Variants in RBPJ observed in about 807,000 individuals in gnomAD.
RBPJ encodes the protein recombination signal binding protein for immunoglobulin kappa J region.
A neutral mutation model predicts 67.8 loss-of-function variants in RBPJ; 9 were observed. The ratio of observed to expected loss-of-function variants is 0.13; its 90% CI spans 0.08 to 0.23. The LOEUF (loss-of-function observed/expected upper bound fraction) is 0.23, where lower values mean the gene tolerates loss of function less well. Among genes scored for constraint, RBPJ ranks in the 10% least tolerant of loss-of-function variants. RBPJ has a pLI of 1.00. For synonymous variants in RBPJ, 198 were observed against 203.3 expected (o/e 0.97, Z 0.22); for missense variants, 305 against 595.6 (o/e 0.51, Z 5.08).
At chr4:26,320,621 C>A, upstream of RBPJ, 1 of 1,041,624 alleles carries the variant, frequency 9.6e-7, no homozygotes, top group East Asian at 2.8e-5. Context: ...TCCCAGGACC[C>A]CTCCTCCCTT....
At chr4:26,320,623 TCCTCCCTTCTCCTCGGCCCCG>T, upstream of RBPJ, 1 of 1,064,254 alleles carries the variant, frequency 9.4e-7, no homozygotes, top group Non-Finnish European at 1.3e-6. Flanking sequence ...CCAGGACCCC[TCCTCCCTTCTCCTCGGCCCCG>T]CCTCCTGACC....
chr4:26,410,145 T>G, intron 3 of RBPJ: 1 of 408,366 alleles, frequency 2.4e-6, no homozygotes, highest in Non-Finnish European at 4.8e-6. Context: ...GGTGGTGGAG[T>G]GCACAGTGGG....
intron 1 of RBPJ, among the ~76,000 whole-genome samples, chr4:26,285,678 TAA>T (rs545484809): frequency 9.2e-4 from 89 of 96,262 alleles, no homozygotes; most frequent in African/African-American, 3.4e-3. Flanking sequence ...ACTGATACGT[TAA>T]AAAAAAAAAA....
At chr4:26,255,844 G>A (rs1051994578) in intron 1 of RBPJ, among the ~76,000 whole-genome samples, 2 of 151,244 alleles carry the variant, frequency 1.3e-5, no homozygotes, top group African/African-American at 2.4e-5. Context: ...AATCACCTAA[G>A]TTCTAGTCCT....
chr4:26,338,822 C>T (rs1332399526), intron 1 of RBPJ, among the ~76,000 whole-genome samples: 3 of 151,812 alleles, frequency 2.0e-5, no homozygotes, highest in Non-Finnish European at 2.9e-5. Flanking sequence ...ATCCACCTGC[C>T]TCGGCCTCCC....
At chr4:26,125,049 G>A in the RBPJ span, among the ~76,000 whole-genome samples, 1 of 152,168 alleles carries the variant, frequency 6.6e-6, no homozygotes, top group African/African-American at 2.4e-5. Context: ...AATCCAGCCA[G>A]TAGGAAGGGA....
chr4:26,215,347 G>A (rs1351615679), intron 1 of RBPJ, among the ~76,000 whole-genome samples: 1 of 83,136 alleles, frequency 1.2e-5, no homozygotes, highest in Non-Finnish European at 2.2e-5. Context: ...GAGAAAGAAA[G>A]AAAAAAAGAA....
chr4:26,393,420 G>T (rs919113744), intron 2 of RBPJ, among the ~76,000 whole-genome samples: 12 of 152,098 alleles, frequency 7.9e-5, no homozygotes, highest in African/African-American at 2.7e-4. Context: ...TATCACCCAG[G>T]CTATAGCGCA....
chr4:26,396,873 G>T (rs966451680), intron 2 of RBPJ, among the ~76,000 whole-genome samples: 2 of 152,160 alleles, frequency 1.3e-5, no homozygotes, highest in African/African-American at 4.8e-5. Flanking sequence ...GTTTAGCTTT[G>T]GTCACTGGTA....
At chr4:26,139,709 T>C in the RBPJ span, among the ~76,000 whole-genome samples, 1 of 151,848 alleles carries the variant, frequency 6.6e-6, no homozygotes, top group Non-Finnish European at 1.5e-5. Context: ...CTGTTTTCTG[T>C]TCCTCTCAGT....
At chr4:26,242,867 G>A (rs1448546380) in intron 1 of RBPJ, among the ~76,000 whole-genome samples, 2 of 152,150 alleles carry the variant, frequency 1.3e-5, no homozygotes, top group African/African-American at 2.4e-5. Flanking sequence ...CACGTGTGCT[G>A]CATGCTGAAA....
chr4:26,320,849 C>A (rs749706485), upstream of RBPJ: 4 of 1,568,722 alleles, frequency 2.5e-6, no homozygotes, highest in Non-Finnish European at 3.5e-6. Context: ...AGCAGGATCC[C>A]CTACTCTGCG....
intron 1 of RBPJ, among the ~76,000 whole-genome samples, chr4:26,299,570 T>C (rs573476016): frequency 1.3e-5 from 2 of 152,262 alleles, no homozygotes; most frequent in African/African-American, 4.8e-5. Flanking sequence ...GAAAAAGATT[T>C]TCGGCATATA....
Position 26,332,153 on chromosome 4 carries a change from TGA to T in RBPJ, c.20+11107_20+11108del, listed in dbSNP as rs751374436. Among the ~76,000 whole-genome samples, 6 of 152,288 alleles carry T rather than the reference TGA, an allele frequency of 3.9e-5. No homozygotes were observed. The East Asian group carries it at 7.7e-4, about 20-fold the overall frequency. ...GTAATTTACTTACAGCTTATAATAA[TGA>T]GTGTCATTATTTGATTAAATGGATA... On this transcript the variant is annotated intron_variant, in intron 1 of 10. Coordinates refer to ENST00000355476, the MANE Select transcript of RBPJ (RefSeq NM_015874.6).
In RBPJ at chr4:26,430,663, T is replaced by G. The variant is rs780927708; in HGVS notation, c.1149-29T>G. On this transcript the variant is annotated intron_variant, in intron 10 of 10. Transcript: ENST00000355476. This position sits in a 1 kb window ranked among gnomAD's most constrained non-coding sequence, Gnocchi z 4.1. Reference sequence around the variant, plus strand: ...AACATGTACTTTGCTTTTTAAAGTGTTTTTAAGTGATTTCTATTTCCTCCT... The same window carrying G: ...AACATGTACTTTGCTTTTTAAAGTGGTTTTAAGTGATTTCTATTTCCTCCT... 1 of 1,607,508 alleles carries G rather than the reference T, an allele frequency of 6.2e-7. No individual in the cohort carries two copies. The highest frequency in any genetic ancestry group is 1.1e-5 in the South Asian group (1 of 90,560).
chr4:26,405,393 T>C (rs903042901), intron 2 of RBPJ, among the ~76,000 whole-genome samples: 1 of 152,248 alleles, frequency 6.6e-6, no homozygotes, highest in East Asian at 1.9e-4. Context: ...AGAATTGTTA[T>C]AGTTTCATCT....
chr4:26,129,218 G>A, the RBPJ span, among the ~76,000 whole-genome samples: 1 of 152,122 alleles, frequency 6.6e-6, no homozygotes, highest in African/African-American at 2.4e-5. Flanking sequence ...ATCAGTAAGT[G>A]GCCAGCTTAG....
intron 2 of RBPJ, among the ~76,000 whole-genome samples, chr4:26,396,889 A>G (rs977839809): frequency 2.0e-5 from 3 of 152,216 alleles, no homozygotes; most frequent in Admixed American, 2.0e-4. Context: ...TGGTAGATGT[A>G]GACACTTAGT....
chr4:26,245,356 G>A (rs769222443), intron 1 of RBPJ, among the ~76,000 whole-genome samples: 9 of 151,860 alleles, frequency 5.9e-5, no homozygotes, highest in East Asian at 1.9e-4. Context: ...CTACAGGCAC[G>A]TGCCACCACA....
Sources: allele counts gnomAD v4.1 joint callset (sites outside exome capture counted in the v4.1 genomes callset), GRCh38; gene constraint gnomAD v4.1.1; non-coding constraint Gnocchi (gnomAD v3.1); transcripts MANE v1.5; gene names NCBI Gene and HGNC (gene_info 2026-07-23, HGNC 2026-07-21).